PCDHGA2: variants seen among roughly 807,000 people sequenced by gnomAD.
PCDHGA2 encodes the protein protocadherin gamma subfamily A, 2.
A neutral mutation model predicts 59.2 loss-of-function variants in PCDHGA2; 40 were observed. The observed-to-expected ratio is 0.68, with a 90% CI of 0.52 to 0.88. The LOEUF is 0.88. Ranked by LOEUF, PCDHGA2 falls within the 40% of genes least tolerant of loss-of-function variation. PCDHGA2 has a pLI of 0.00. For missense variants in PCDHGA2, 1,226 were observed against 1,204.0 expected (o/e 1.02, Z -0.27); for synonymous variants, 560 against 526.0 (o/e 1.06, Z -0.89).
At chr5:141,364,466 G>T (rs1391136210) in intron 1 of PCDHGA2, 2 of 1,613,990 alleles carry the variant, frequency 1.2e-6, no homozygotes, top group Non-Finnish European at 1.7e-6. Context: ...CTCCTTCGTC[G>T]GCAACATAGC....
intron 1 of PCDHGA2, chr5:141,367,429 C>T (rs1303829786): frequency 6.6e-6 from 1 of 152,054 alleles, no homozygotes; most frequent in Non-Finnish European, 1.5e-5. Context: ...CCCAGCTACT[C>T]GGAAGGCTGA....
chr5:141,507,631 C>T (rs1435446169), intron 3 of PCDHGA2, among the ~76,000 whole-genome samples: 4 of 152,236 alleles, frequency 2.6e-5, no homozygotes, highest in East Asian at 3.8e-4. Context: ...TGTGGCCTTG[C>T]GCCCTGAGGC....
chr5:141,365,097 C>T (rs1763734709), intron 1 of PCDHGA2: 6 of 1,613,888 alleles, frequency 3.7e-6, no homozygotes, highest in East Asian at 2.2e-5. Flanking sequence ...GAGAACATAC[C>T]TGTGGGCACT....
intron 1 of PCDHGA2, chr5:141,375,485 G>A (rs1478417043): frequency 6.2e-7 from 1 of 1,613,794 alleles, no homozygotes; most frequent in Non-Finnish European, 8.5e-7. Flanking sequence ...CAACCCCAGG[G>A]GTGCCTCCAT....
chr5:141,402,098 C>G (rs2094224797), intron 1 of PCDHGA2, among the ~76,000 whole-genome samples: 1 of 152,048 alleles, frequency 6.6e-6, no homozygotes, highest in Non-Finnish European at 1.5e-5. Context: ...AAAGTTTAAG[C>G]AATTACAAAA....
intron 1 of PCDHGA2, chr5:141,475,927 G>A: frequency 1.6e-6 from 1 of 628,480 alleles, no homozygotes; most frequent in South Asian, 2.1e-5. Flanking sequence ...CTGGAGATCG[G>A]GCCCCTGCCC....
At chr5:141,414,336 C>T (rs567878158) in intron 1 of PCDHGA2, 3 of 1,613,846 alleles carry the variant, frequency 1.9e-6, no homozygotes, top group East Asian at 2.2e-5. Flanking sequence ...GACAGGTAAC[C>T]TGTTCCATTT....
Position 141,496,980 on chromosome 5 carries a change from G to A in PCDHGA2, c.2483+2115G>A, listed in dbSNP as rs186715298. On this transcript the variant is annotated intron_variant, in intron 2 of 3. Coordinates refer to ENST00000394576, the MANE Select transcript of PCDHGA2 (RefSeq NM_018915.4). ...GTGGGTAGATCACTTGAGGTCAGGG[G>A]TTTGAGACCAGCCTGGCAGCCAACA... Among the ~76,000 whole-genome samples the A allele has an allele frequency of 1.6e-3, 236 of 152,074 alleles. 2 individuals are homozygous for A. Among genetic ancestry groups the A allele is most frequent in the South Asian group, 7.5e-3 (36 of 4,814 alleles).
intron 1 of PCDHGA2, chr5:141,400,431 A>G (rs542969819): frequency 3.0e-5 from 48 of 1,614,034 alleles, no homozygotes; most frequent in African/African-American, 1.1e-4. Context: ...GTAGTGAGCA[A>G]TTGAGTTCAG....
chr5:141,355,941 C>G (rs780585950), intron 1 of PCDHGA2: 94 of 1,613,750 alleles, frequency 5.8e-5, no homozygotes, highest in Non-Finnish European at 1.7e-6. Context: ...AGCCCGAGTA[C>G]CACGTAAGTG....
chr5:141,385,107 C>T, intron 1 of PCDHGA2: 1 of 1,614,178 alleles, frequency 6.2e-7, no homozygotes, highest in Non-Finnish European at 8.5e-7. Context: ...CGAACGTGCC[C>T]ACCTCGCACT....
At chr5:141,352,297 C>A in intron 1 of PCDHGA2, 1 of 1,614,070 alleles carries the variant, frequency 6.2e-7, no homozygotes, top group Non-Finnish European at 8.5e-7. Context: ...AGCCCTCTGA[C>A]CCCCAGACGG....
rs1466755382 is a variant in PCDHGA2 at position 141,384,339 on chromosome 5, C to G, written c.2424+42944C>G. 19 of 1,613,782 alleles carry G rather than the reference C, an allele frequency of 1.2e-5. 1 individual carries two copies. Among genetic ancestry groups the G allele is most frequent in the Non-Finnish European group, 1.6e-5 (19 of 1,179,910 alleles). ...TCTTAGTGACTGCACAGGACCACGA[C>G]AGTGAGGATAATGCCCAGATCACTT... On this transcript the variant is annotated intron_variant, in intron 1 of 3. Coordinates refer to ENST00000394576, the MANE Select transcript of PCDHGA2 (RefSeq NM_018915.4).
chr5:141,448,851 A>T (rs1374003271), intron 1 of PCDHGA2, among the ~76,000 whole-genome samples: 1 of 152,124 alleles, frequency 6.6e-6, no homozygotes, highest in Admixed American at 6.5e-5. Context: ...AGGCTGAGGC[A>T]GGAGAATGGC....
At chr5:141,364,465 CG>C in intron 1 of PCDHGA2, 1 of 1,613,982 alleles carries the variant, frequency 6.2e-7, no homozygotes, top group South Asian at 1.1e-5. Context: ...GCTCCTTCGT[CG>C]GCAACATAGC....
intron 1 of PCDHGA2, chr5:141,417,974 G>A: frequency 6.2e-7 from 1 of 1,613,856 alleles, no homozygotes. Flanking sequence ...CTCGATTCCG[G>A]AGGAGCTGGC....
At chr5:141,376,678 T>C in intron 1 of PCDHGA2, 2 of 277,706 alleles carry the variant, frequency 7.2e-6, no homozygotes, top group East Asian at 7.3e-5. Flanking sequence ...AGGGTATCGT[T>C]TTTTTTTTTT....
chr5:141,353,077 A>G (rs912122149), intron 1 of PCDHGA2, among the ~76,000 whole-genome samples: 11 of 152,152 alleles, frequency 7.2e-5, no homozygotes, highest in Non-Finnish European at 1.3e-4. Context: ...TAGTGATGGT[A>G]TCTACTGCGG....
In PCDHGA2 at chr5:141,340,900, G is replaced by C; in HGVS notation, c.1929G>C (p.Val643=). The C allele has an allele frequency of 1.2e-6, 2 of 1,613,754 alleles. No individual in the cohort carries two copies. The stretch of plus-strand genomic sequence containing the variant: ...GAGACGCGCTCAAGCAGAGCCTCGT[G>C]GTGGCCATCCAGGACCACGGCCAGC... The part of the protein sequence containing the change: ...LDRDALKQSL[V]VAIQDHGQPP... The change falls in exon 1 of 4, where the codon GTG becomes GTC. Residue 643 remains valine, a synonymous_variant. Transcript: ENST00000394576.
Sources: allele counts gnomAD v4.1 joint callset (sites outside exome capture counted in the v4.1 genomes callset), GRCh38; gene constraint gnomAD v4.1.1; transcripts MANE v1.5; gene names NCBI Gene and HGNC (gene_info 2026-07-23, HGNC 2026-07-21).